The following DUSP13B variants were observed in gnomAD, a reference collection of about 807,000 sequenced individuals.
DUSP13B encodes the protein dual specificity protein phosphatase 13B.
chr10:75,105,588 T>A, the DUSP13B span: 1 of 1,376,960 alleles, frequency 7.3e-7, no homozygotes, highest in African/African-American at 1.4e-5. Context: ...AATCCAATCC[T>A]ATGTCTGCAG....
chr10:75,094,806 C>T, the DUSP13B span: 739,062 of 1,613,762 alleles, frequency 0.46, 179,702 homozygotes, highest in East Asian at 0.91. Flanking sequence ...CATGTTCTCA[C>T]AGATCATGAG....
chr10:75,108,245 A>G, the DUSP13B span: 1 of 1,564,052 alleles, frequency 6.4e-7, no homozygotes. Context: ...ATGCCGGCCA[A>G]GCCATGGGAC....
the DUSP13B span, among the ~76,000 whole-genome samples, chr10:75,096,763 A>T: frequency 6.6e-6 from 1 of 152,162 alleles, no homozygotes; most frequent in African/African-American, 2.4e-5. Context: ...ATAAATAAAA[A>T]TTTTAAAATG....
chr10:75,108,204 G>A, the DUSP13B span: 14 of 1,601,364 alleles, frequency 8.7e-6, no homozygotes, highest in East Asian at 2.0e-4. Flanking sequence ...GTTGTTTGCC[G>A]TGGCCCTGGG....
At chr10:75,094,971 T>C in the DUSP13B span, 12 of 1,116,062 alleles carry the variant, frequency 1.1e-5, no homozygotes, top group South Asian at 1.8e-4. Flanking sequence ...CTCTACAGTA[T>C]CCTGGAATAC....
At chr10:75,097,010 C>CTAACTACTGTTTAGA in the DUSP13B span, among the ~76,000 whole-genome samples, 30 of 152,118 alleles carry the variant, frequency 2.0e-4, no homozygotes, top group Non-Finnish European at 3.8e-4. Flanking sequence ...ACAGGTGAAA[C>CTAACTACTGTTTAGA]TAACTACACT....
the DUSP13B span, chr10:75,105,650 T>A: frequency 6.5e-7 from 1 of 1,546,866 alleles, no homozygotes; most frequent in Non-Finnish European, 8.7e-7. Flanking sequence ...CTTTGCCCCC[T>A]GAGGCCTCAC....
the DUSP13B span, chr10:75,101,741 C>A: frequency 1.8e-6 from 1 of 565,372 alleles, no homozygotes; most frequent in Non-Finnish European, 3.0e-6. Flanking sequence ...CATCTCTGAC[C>A]CAGTCGGTTC....
At chr10:75,108,108 T>C in the DUSP13B span, 5 of 1,613,830 alleles carry the variant, frequency 3.1e-6, no homozygotes, top group South Asian at 5.5e-5. Flanking sequence ...ACTGCTGCCG[T>C]AGAAGTCAGG....
At chr10:75,108,325 C>A in the DUSP13B span, 3 of 1,460,528 alleles carry the variant, frequency 2.1e-6, no homozygotes, top group Non-Finnish European at 2.7e-6. Flanking sequence ...GAGAGTCCAA[C>A]CCCAGCAAGC....
At chr10:75,097,829 T>C in the DUSP13B span, 1 of 1,613,666 alleles carries the variant, frequency 6.2e-7, no homozygotes, top group South Asian at 1.1e-5. Context: ...GGGAGATGCC[T>C]GGACTGCCCC....
chr10:75,097,746 C>A, the DUSP13B span: 1 of 1,612,006 alleles, frequency 6.2e-7, no homozygotes. Flanking sequence ...CAGACCTCAT[C>A]GATATGGTTC....
At chr10:75,095,835 G>A in the DUSP13B span, 1 of 1,588,374 alleles carries the variant, frequency 6.3e-7, no homozygotes, top group Non-Finnish European at 8.6e-7. Flanking sequence ...AGTGGAGGTA[G>A]ATCTCACTGT....
the DUSP13B span, chr10:75,103,753 G>C: frequency 7.4e-5 from 46 of 621,174 alleles, no homozygotes; most frequent in African/African-American, 8.8e-4. Flanking sequence ...GAGGGGAGCT[G>C]CTGGAGACAG....
the DUSP13B span, among the ~76,000 whole-genome samples, chr10:75,102,847 G>C: frequency 6.6e-6 from 1 of 152,148 alleles, no homozygotes; most frequent in East Asian, 1.9e-4. Flanking sequence ...AGCTACTCGG[G>C]AGCCTGAGGC....
chr10:75,094,654 G>A, the DUSP13B span: 1 of 1,611,916 alleles, frequency 6.2e-7, no homozygotes, highest in Non-Finnish European at 8.5e-7. Context: ...CCAAGGGTCA[G>A]GGATCCTGGC....
At chr10:75,099,906 AGAG>A in the DUSP13B span, among the ~76,000 whole-genome samples, 3 of 152,050 alleles carry the variant, frequency 2.0e-5, no homozygotes, top group African/African-American at 7.2e-5. Flanking sequence ...CGAGAATGAG[AGAG>A]GAGTGTCTGG....
At chr10:75,108,262 G>A in the DUSP13B span, 1 of 1,540,494 alleles carries the variant, frequency 6.5e-7, no homozygotes, top group African/African-American at 1.4e-5. Context: ...GGACCAGGAG[G>A]GAGGCTGTGC....
At chr10:75,099,212 TGGACCA>T in the DUSP13B span, 3 of 1,232,218 alleles carry the variant, frequency 2.4e-6, no homozygotes, top group Non-Finnish European at 3.0e-6. Flanking sequence ...CCTGATCCCC[TGGACCA>T]GTGACTAGGG....
Sources: allele counts gnomAD v4.1 joint callset (sites outside exome capture counted in the v4.1 genomes callset), GRCh38; gene constraint gnomAD v4.1.1; transcripts MANE v1.5; gene names NCBI Gene and HGNC (gene_info 2026-07-23, HGNC 2026-07-21).